SV2B: variants seen among roughly 807,000 people sequenced by gnomAD.
The protein encoded by SV2B is solute carrier family 22 member B2.
SV2B carries 41 observed loss-of-function variants against 73.9 expected under a neutral mutation model. The ratio of observed to expected loss-of-function variants is 0.56; its 90% CI spans 0.43 to 0.72. SV2B has a LOEUF of 0.72. Among genes scored for constraint, SV2B ranks in the 30% least tolerant of loss-of-function variants. The pLI is 0.00. For synonymous variants in SV2B, 314 were observed against 314.2 expected (o/e 1.00, Z 0.01); for missense variants, 764 against 857.8 (o/e 0.89, Z 1.37).
In SV2B at chr15:91,240,408, T is replaced by C. The variant is rs1268786579; in HGVS notation, c.452-11411T>C. On this transcript the variant is annotated intron_variant, in intron 2 of 12. Coordinates refer to ENST00000394232, the MANE Select transcript of SV2B (RefSeq NM_001323032.3). This position sits in a 1 kb window ranked among gnomAD's most constrained non-coding sequence, Gnocchi z 4.6. ...CTGGTATTTGTATATTTTTAACTTT[T>C]CACTTTATTCAGTAGCTCCTTAAAA... Among the ~76,000 whole-genome samples, 1 of 152,188 alleles carries C rather than the reference T, an allele frequency of 6.6e-6. No homozygotes were observed. The highest frequency in any genetic ancestry group is 2.4e-5 in the African/African-American group (1 of 41,436).
chr15:91,279,871 ATTAG>A (rs1168820423), intron 9 of SV2B, among the ~76,000 whole-genome samples: 1 of 152,228 alleles, frequency 6.6e-6, no homozygotes, highest in African/African-American at 2.4e-5. Context: ...AGACTCACCA[ATTAG>A]TTTTCCCATG....
intron 1 of SV2B, among the ~76,000 whole-genome samples, chr15:91,114,356 C>T (rs756682450): frequency 6.6e-6 from 1 of 152,164 alleles, no homozygotes; most frequent in Non-Finnish European, 1.5e-5. Flanking sequence ...CAAGAGTTTA[C>T]ACAAGAAGAT....
chr15:91,111,025 T>C (rs1398871720), intron 1 of SV2B, among the ~76,000 whole-genome samples: 1 of 152,166 alleles, frequency 6.6e-6, no homozygotes, highest in Non-Finnish European at 1.5e-5. Context: ...CTTCTCCTAT[T>C]TCCCATGATG....
At chr15:91,285,939 A>G (rs2141781616) in intron 11 of SV2B, among the ~76,000 whole-genome samples, 1 of 152,226 alleles carries the variant, frequency 6.6e-6, no homozygotes, top group African/African-American at 2.4e-5. Context: ...CCTTTCCCTC[A>G]CCACTGAAGC....
intron 11 of SV2B, among the ~76,000 whole-genome samples, chr15:91,286,027 G>T (rs371904459): frequency 6.6e-6 from 1 of 152,330 alleles, no homozygotes; most frequent in East Asian, 1.9e-4. Context: ...TCGAATGAGA[G>T]ATCTAGAACT....
rs146663746 is a variant in SV2B at position 91,249,041 on chromosome 15, C to G, written c.452-2778C>G. On this transcript the variant is annotated intron_variant, in intron 2 of 12. Transcript: ENST00000394232. ...ACCCATGTGCACACACACAATCACA[C>G]GTGCATGCATCCATACATCTACGTT... Among the ~76,000 whole-genome samples the G allele has an allele frequency of 1.3e-5, 2 of 148,560 alleles. 1 individual carries two copies. The highest frequency in any genetic ancestry group is 5.0e-5 in the African/African-American group (2 of 40,192).
At chr15:91,278,286 A>G (rs1272871046) in intron 9 of SV2B, among the ~76,000 whole-genome samples, 2 of 152,092 alleles carry the variant, frequency 1.3e-5, no homozygotes, top group African/African-American at 4.8e-5. Context: ...CGAGAGGAGA[A>G]GAAAATTGTT....
intron 1 of SV2B, among the ~76,000 whole-genome samples, chr15:91,117,742 G>A (rs1056122994): frequency 3.3e-5 from 5 of 152,226 alleles, no homozygotes; most frequent in African/African-American, 1.2e-4. Flanking sequence ...TCAGTAAAGT[G>A]CGAAAGTATA....
At chr15:91,191,059 G>GTTTTTTTTTTTTTTTTTTTT (rs1161482690) in intron 1 of SV2B, among the ~76,000 whole-genome samples, 1 of 59,732 alleles carries the variant, frequency 1.7e-5, no homozygotes. Context: ...TTTTTTTGGT[G>GTTTTTTTTTTTTTTTTTTTT]TTTCTTTTTT....
rs60315590 is a variant in SV2B at position 91,259,109 on chromosome 15, TATAAATAA to T, written c.918+573_918+580del. 4.0e-5 allele frequency among the ~76,000 whole-genome samples: 6 copies of T among 150,704 alleles called. No homozygotes were observed. In the East Asian group the frequency reaches 9.7e-4, roughly 24 times the overall value. On this transcript the variant is annotated intron_variant, in intron 5 of 12. Coordinates refer to ENST00000394232, the MANE Select transcript of SV2B (RefSeq NM_001323032.3). ...ACACCCTGTCTCAAAAAAATAAAAA[TATAAATAA>T]ATAAATAAATAAATAAAGGAAGCTC...
At chr15:91,264,832 A>G (rs1442384907) in intron 6 of SV2B, among the ~76,000 whole-genome samples, 1 of 152,122 alleles carries the variant, frequency 6.6e-6, no homozygotes, top group Admixed American at 6.5e-5. Context: ...GGAGAGTTAC[A>G]AAATGTTGGA....
At chr15:91,145,673 A>G (rs1250394624) in intron 1 of SV2B, among the ~76,000 whole-genome samples, 2 of 152,188 alleles carry the variant, frequency 1.3e-5, no homozygotes, top group Non-Finnish European at 2.9e-5. Context: ...CTTTTTAGTA[A>G]TAGCCATTCT....
At chr15:91,116,768 A>G (rs2042190531) in intron 1 of SV2B, among the ~76,000 whole-genome samples, 1 of 152,172 alleles carries the variant, frequency 6.6e-6, no homozygotes, top group Admixed American at 6.5e-5. Context: ...GGTAACTTAT[A>G]AAGAAAAAGA....
intron 1 of SV2B, among the ~76,000 whole-genome samples, chr15:91,158,666 CT>C (rs2043580299): frequency 1.6e-5 from 1 of 61,884 alleles, no homozygotes; most frequent in Non-Finnish European, 3.4e-5. Context: ...CTTCTCTTCT[CT>C]TCTCTTCTCT....
At chr15:91,191,497 T>A (rs530740849) in intron 1 of SV2B, among the ~76,000 whole-genome samples, 2 of 152,250 alleles carry the variant, frequency 1.3e-5, no homozygotes, top group Admixed American at 1.3e-4. Flanking sequence ...ATCTCTCTAC[T>A]CTTGGTACCT....
rs145389488 is a variant in SV2B at position 91,223,452 on chromosome 15, C to T, written c.-391-2421C>T. On this transcript the variant is annotated intron_variant, in intron 1 of 12. Coordinates refer to ENST00000394232, the MANE Select transcript of SV2B (RefSeq NM_001323032.3). The surrounding 1 kb of genome is among the most constrained non-coding windows in gnomAD (Gnocchi z 4.6). ...ATCAGGTGAGTGGAGTTAGTTTTGA[C>T]GAAGATCCTCTTCTTTCTGCAAAGC... Among the ~76,000 whole-genome samples the T allele has an allele frequency of 5.4e-3, 824 of 152,270 alleles. 9 individuals are homozygous for T. Among genetic ancestry groups the T allele is most frequent in the African/African-American group, 0.019 (790 of 41,550 alleles).
rs77214747 is a variant in SV2B, at chr15:91,151,916, G to T, written c.-392+51553G>T. Among the ~76,000 whole-genome samples the T allele has an allele frequency of 4.9e-3, 751 of 152,258 alleles. 4 individuals carry two copies. Among genetic ancestry groups the T allele is most frequent in the African/African-American group, 0.017 (692 of 41,548 alleles). ...AGGCTTTTCAGGATGCAAGAAAACA[G>T]TAGTTACTCAAAGAAGGTTATTATG... On this transcript the variant is annotated intron_variant, in intron 1 of 12. Transcript: ENST00000394232.
rs1462039794 is a variant in SV2B, at chr15:91,284,912, G to C, written c.1708+691G>C. ...ATTACAGAAACACATGCCATGAATG[G>C]TAAACAAGAAGCAAAATGTACAGAT... On this transcript the variant is annotated intron_variant, in intron 11 of 12. Coordinates refer to ENST00000394232, the MANE Select transcript of SV2B (RefSeq NM_001323032.3). The surrounding 1 kb of genome is among the most constrained non-coding windows in gnomAD (Gnocchi z 4.5). Among the ~76,000 whole-genome samples, 1 of 152,144 alleles carries C rather than the reference G, an allele frequency of 6.6e-6. No homozygotes were observed. Among genetic ancestry groups the C allele is most frequent in the African/African-American group, 2.4e-5 (1 of 41,422 alleles).
chr15:91,200,295 T>C (rs1270159493), intron 1 of SV2B, among the ~76,000 whole-genome samples: 1 of 152,192 alleles, frequency 6.6e-6, no homozygotes, highest in African/African-American at 2.4e-5. Context: ...TCCAGCAAAA[T>C]TGCTAGGAAC....
Sources: allele counts gnomAD v4.1 joint callset (sites outside exome capture counted in the v4.1 genomes callset), GRCh38; gene constraint gnomAD v4.1.1; non-coding constraint Gnocchi (gnomAD v3.1); transcripts MANE v1.5; gene names NCBI Gene and HGNC (gene_info 2026-07-23, HGNC 2026-07-21).